CCDC158: variants seen among roughly 807,000 people sequenced by gnomAD.
The protein encoded by CCDC158 is coiled-coil domain-containing protein 158.
A neutral mutation model predicts 138.6 loss-of-function variants in CCDC158; 116 were observed. That is an observed-to-expected ratio of 0.84 (90% confidence interval 0.72 to 0.98). CCDC158 has a LOEUF of 0.98. Among genes scored for constraint, CCDC158 ranks in the 50% least tolerant of loss-of-function variants. The pLI, the probability that CCDC158 is intolerant of heterozygous loss-of-function variation, is 0.00. For missense variants in CCDC158, 1,265 were observed against 1,306.1 expected (o/e 0.97, Z 0.48); for synonymous variants, 436 against 442.4 (o/e 0.99, Z 0.18).
chr4:76,413,120 T>C (rs1480962464), intron 1 of CCDC158, among the ~76,000 whole-genome samples: 4 of 151,662 alleles, frequency 2.6e-5, no homozygotes, highest in African/African-American at 9.7e-5. Flanking sequence ...CTATATATTG[T>C]AAGCAGGTAT....
chr4:76,379,910 G>A (rs189962947), intron 8 of CCDC158, among the ~76,000 whole-genome samples: 16 of 152,200 alleles, frequency 1.1e-4, no homozygotes, highest in Admixed American at 9.8e-4. Flanking sequence ...ATGATAGTGA[G>A]TTCTCACAAC....
chr4:76,393,036 C>T (rs28799110), intron 4 of CCDC158, among the ~76,000 whole-genome samples: 4,473 of 151,964 alleles, frequency 0.029, 218 homozygotes, highest in African/African-American at 0.1. Context: ...AAAATCAATA[C>T]TGTTAAAATG....
intron 9 of CCDC158, among the ~76,000 whole-genome samples, chr4:76,378,993 T>C (rs923249914): frequency 1.3e-5 from 2 of 152,156 alleles, no homozygotes; most frequent in African/African-American, 4.8e-5. Flanking sequence ...ATGGAAGTAT[T>C]TGCTAAAGTT....
chr4:76,398,949 A>C (rs922808585), intron 3 of CCDC158, among the ~76,000 whole-genome samples: 2 of 152,156 alleles, frequency 1.3e-5, no homozygotes, highest in Non-Finnish European at 2.9e-5. Context: ...AATACCTAAG[A>C]CTTTTTGGGA....
At chr4:76,343,567 T>C (rs1196702821) in intron 18 of CCDC158, among the ~76,000 whole-genome samples, 2 of 152,052 alleles carry the variant, frequency 1.3e-5, no homozygotes, top group Admixed American at 6.5e-5. Flanking sequence ...GTAATCCAAA[T>C]AGTTTGGGAG....
chr4:76,323,407 A>C lies in CCDC158; in HGVS notation c.3172T>G (p.Ser1058Ala). ...PIHSSDSVKD[S>A]QSPPIETTGK... ...GTTGTTTCTATTGGCGGAGACTGTG[A>C]ATCTATTAGAAAATTGCTTAGATGT... Residue 1058 changes from serine to alanine, a missense_variant and splice_region_variant, in exon 24 of 25, where the codon TCA becomes GCA. Transcript: ENST00000682701. 1 of 1,606,654 alleles carries C rather than the reference A, an allele frequency of 6.2e-7. No homozygotes were observed.
chr4:76,363,778 C>G (rs968969218), intron 12 of CCDC158, among the ~76,000 whole-genome samples: 2 of 152,000 alleles, frequency 1.3e-5, no homozygotes, highest in African/African-American at 2.4e-5. Flanking sequence ...GTGAGTGAGT[C>G]AGGAAGTCAT....
At chr4:76,377,734 C>T (rs1725847929) in intron 9 of CCDC158, among the ~76,000 whole-genome samples, 1 of 152,164 alleles carries the variant, frequency 6.6e-6, no homozygotes, top group African/African-American at 2.4e-5. Flanking sequence ...ACCCTTTAAG[C>T]AGTCTAAGGT....
chr4:76,337,678 C>G (rs113416432), intron 18 of CCDC158, among the ~76,000 whole-genome samples: 4,442 of 151,682 alleles, frequency 0.029, 220 homozygotes, highest in African/African-American at 0.1. Context: ...GTTGCAGTGA[C>G]CCGAGATCGT....
At chr4:76,328,877 C>T (rs112525409) in intron 22 of CCDC158, 23 bp downstream of exon 22, 37,937 of 1,603,484 alleles carry the variant, frequency 0.024, 571 homozygotes, top group Non-Finnish European at 0.029. Context: ...GGGCCTATTT[C>T]TGTGCTTTCA....
intron 3 of CCDC158, among the ~76,000 whole-genome samples, chr4:76,398,859 G>C (rs973708373): frequency 6.6e-6 from 1 of 151,810 alleles, no homozygotes; most frequent in Non-Finnish European, 1.5e-5. Context: ...GAGAGCGAAT[G>C]GTTATAAATT....
rs979445078 is a variant in CCDC158, at chr4:76,345,132, T to C, written c.2664+5864A>G. 6 of 1,112,418 alleles carry C rather than the reference T, an allele frequency of 5.4e-6. No homozygotes were observed. In the East Asian group the frequency reaches 1.4e-4, roughly 26 times the overall value. 68.9% of individuals were successfully genotyped at this position (1,112,418 alleles called of 1,614,324 possible). On this transcript the variant is annotated intron_variant, in intron 18 of 24. Transcript: ENST00000682701. The stretch of plus-strand genomic sequence containing the variant: ...TATCCACACTGCAGCCTGCTTACAT[T>C]GCCTGGCTTTAGAAGAGCCCACAGT...
chr4:76,371,282 C>T (rs1725211366), intron 10 of CCDC158, 135 bp downstream of exon 10: 1 of 845,610 alleles, frequency 1.2e-6, no homozygotes, highest in Non-Finnish European at 1.8e-6. Flanking sequence ...TGAATTGTGT[C>T]TAAAATAATC....
At chr4:76,347,545 T>C (rs1722677643) in intron 18 of CCDC158, among the ~76,000 whole-genome samples, 1 of 151,844 alleles carries the variant, frequency 6.6e-6, no homozygotes, top group Non-Finnish European at 1.5e-5. Context: ...CATTACACAA[T>C]AGGGCCTGTC....
At chr4:76,382,401 G>T (rs1247464431) in intron 8 of CCDC158, among the ~76,000 whole-genome samples, 1 of 152,092 alleles carries the variant, frequency 6.6e-6, no homozygotes, top group Non-Finnish European at 1.5e-5. Flanking sequence ...AATCCCAGGA[G>T]CCCCAAATAC....
At chr4:76,384,889 A>C (rs1235508721) in intron 4 of CCDC158, among the ~76,000 whole-genome samples, 1 of 152,202 alleles carries the variant, frequency 6.6e-6, no homozygotes, top group Admixed American at 6.5e-5. Context: ...CATTCTCTAC[A>C]ACCAACACTC....
chr4:76,418,943 G>A (rs980722425), intron 1 of CCDC158, among the ~76,000 whole-genome samples: 4 of 152,024 alleles, frequency 2.6e-5, no homozygotes, highest in East Asian at 3.9e-4. Context: ...GATGACTAGC[G>A]GTTGCTTTTA....
intron 6 of CCDC158, 69 bp from the exon 7 acceptor site, chr4:76,383,807 C>A: frequency 9.2e-7 from 1 of 1,084,084 alleles, no homozygotes; most frequent in South Asian, 1.3e-5. Context: ...TGGAGATTTT[C>A]AACTAAAGGA....
intron 4 of CCDC158, among the ~76,000 whole-genome samples, chr4:76,391,230 A>T (rs1479916729): frequency 6.6e-6 from 1 of 151,916 alleles, no homozygotes; most frequent in South Asian, 2.1e-4. Flanking sequence ...GGCAGAATAC[A>T]TTCCTCAGCA....
Sources: allele counts gnomAD v4.1 joint callset (sites outside exome capture counted in the v4.1 genomes callset), GRCh38; gene constraint gnomAD v4.1.1; transcripts MANE v1.5; gene names NCBI Gene and HGNC (gene_info 2026-07-23, HGNC 2026-07-21).